The following ARL6IP6 variants were observed in gnomAD, a reference collection of about 807,000 sequenced individuals.
ARL6IP6 encodes ARF like GTPase 6 interacting protein 6, also known as ADP-ribosylation factor-like protein 6-interacting protein 6.
ARL6IP6 carries 22 observed loss-of-function variants against 21.5 expected under a neutral mutation model. The ratio of observed to expected loss-of-function variants is 1.02; its 90% confidence interval spans 0.73 to 1.46. The LOEUF (loss-of-function observed/expected upper bound fraction) is 1.46. Among genes scored for constraint, ARL6IP6 ranks in the 40% most tolerant of loss-of-function variants. The probability of loss-of-function intolerance (pLI) is 0.00; values close to 1 mark genes in which losing one functional copy is unlikely to be tolerated. For synonymous variants in ARL6IP6, 164 were observed against 125.3 expected (o/e 1.31, Z -2.06); for missense variants, 388 against 299.8 (o/e 1.29, Z -2.17).
intron 3 of ARL6IP6, among the ~76,000 whole-genome samples, chr2:152,749,310 CAA>C (rs376016325): frequency 3.5e-4 from 28 of 80,346 alleles, no homozygotes; most frequent in South Asian, 2.2e-3. Flanking sequence ...AACACACACA[CAA>C]AAACACACAC....
chr2:152,735,136 C>G lies in ARL6IP6; in HGVS notation c.587+10C>G. 6.2e-7 allele frequency: 1 copy of G among 1,612,164 alleles called. No individual in the cohort carries two copies. The highest frequency in any genetic ancestry group is 8.5e-7 in the Non-Finnish European group (1 of 1,178,926). Reference sequence around the variant, plus strand: ...CACCTGCCAGGTTCAAGTAAGTATTCCTGTTTCCTGTTTCTTTTTTAAATG... The same window carrying G: ...CACCTGCCAGGTTCAAGTAAGTATTGCTGTTTCCTGTTTCTTTTTTAAATG... On this transcript the variant is annotated intron_variant, in intron 3 of 3. Transcript: ENST00000326446.
rs1344641461 is a variant in ARL6IP6 at position 152,761,682 on chromosome 2, T to C, written c.*1842T>C. ...TTTTCTCTGTTTAGATACACAAATATTTACCATTGTGTTACAGTTGCCTGC... is the reference window on the plus strand; with the variant it reads ...TTTTCTCTGTTTAGATACACAAATACTTACCATTGTGTTACAGTTGCCTGC... On this transcript the variant is annotated 3_prime_UTR_variant, in exon 4 of 4. Transcript: ENST00000326446. Among the ~76,000 whole-genome samples, 1 of 152,210 alleles carries C rather than the reference T, an allele frequency of 6.6e-6. No homozygotes were observed. The highest frequency in any genetic ancestry group is 1.5e-5 in the Non-Finnish European group (1 of 68,042).
At position 152,726,913 on chromosome 2, in the gene ARL6IP6, A is replaced by G. The variant is rs76712586; in HGVS notation, c.454+6327A>G. Reference sequence around the variant, plus strand: ...GTTTTATATAACCTTCCAGTCATAAAAAAAAATACAGCACAATTACGTGCA... The same window carrying G: ...GTTTTATATAACCTTCCAGTCATAAGAAAAAATACAGCACAATTACGTGCA... On this transcript the variant is annotated intron_variant, in intron 2 of 3. Coordinates refer to ENST00000326446, the MANE Select transcript of ARL6IP6 (RefSeq NM_152522.7). 7.4e-4 allele frequency among the ~76,000 whole-genome samples: 113 copies of G among 152,370 alleles called. 1 individual carries two copies. In the East Asian group the frequency reaches 0.02, roughly 26 times the overall value.
In ARL6IP6 at chr2:152,718,792, G is replaced by C. The variant is rs750077541; in HGVS notation, c.168G>C (p.Arg56=). The C allele has an allele frequency of 6.2e-7, 1 of 1,607,472 alleles. No individual in the cohort carries two copies. The highest frequency in any genetic ancestry group is 2.2e-5 in the East Asian group (1 of 44,696). Residue 56 remains arginine, a synonymous_variant, in exon 1 of 4, where the codon CGG becomes CGC. Transcript: ENST00000326446. ...GCGACCAAGTGGCCCGCGACCTGCG[G>C]GCGGAGTTCTCGGCTGGGGCGTGGT... ...EGCDQVARDL[R]AEFSAGAWSE... is the part of the protein sequence containing the mutation.
chr2:152,757,258 T>A (rs1173522182), intron 3 of ARL6IP6, among the ~76,000 whole-genome samples: 2 of 152,138 alleles, frequency 1.3e-5, no homozygotes, highest in African/African-American at 4.8e-5. Flanking sequence ...TTAAAAGGGA[T>A]CTTTTTGCAG....
chr2:152,737,890 C>T (rs533144486), intron 3 of ARL6IP6, among the ~76,000 whole-genome samples: 1 of 152,150 alleles, frequency 6.6e-6, no homozygotes, highest in South Asian at 2.1e-4. Context: ...ACCAATCATG[C>T]CTTCCCAACA....
At chr2:152,753,641 C>T (rs1701439806) in intron 3 of ARL6IP6, among the ~76,000 whole-genome samples, 1 of 151,384 alleles carries the variant, frequency 6.6e-6, no homozygotes, top group East Asian at 1.9e-4. Flanking sequence ...GAAATTGACA[C>T]CTTTACAATG....
intron 2 of ARL6IP6, among the ~76,000 whole-genome samples, chr2:152,730,063 C>G (rs959842572): frequency 6.6e-6 from 1 of 152,140 alleles, no homozygotes; most frequent in Non-Finnish European, 1.5e-5. Context: ...CACAATATTG[C>G]AATGTACTTT....
chr2:152,743,448 T>C (rs948653667), intron 3 of ARL6IP6, among the ~76,000 whole-genome samples: 1 of 152,200 alleles, frequency 6.6e-6, no homozygotes, highest in Non-Finnish European at 1.5e-5. Context: ...ATTGTAGGAA[T>C]GTAAAACAAC....
rs116237761 is a variant in ARL6IP6 at position 152,720,148 on chromosome 2, C to G, written c.401-385C>G. On this transcript the variant is annotated intron_variant, in intron 1 of 3. Coordinates refer to ENST00000326446, the MANE Select transcript of ARL6IP6 (RefSeq NM_152522.7). ...TCCTAGGTGGTTTATTTCTGTTTTG[C>G]TCGGAGACATTGCCTTTGTATCATA... 2,125 of 325,862 alleles carry G rather than the reference C, an allele frequency of 6.5e-3. 52 individuals are homozygous for G. The highest frequency in any genetic ancestry group is 0.042 in the African/African-American group (1,950 of 45,930). 20.2% of individuals were successfully genotyped at this position (325,862 alleles called of 1,614,324 possible). A position where few individuals can be genotyped will look rare whatever the true frequency, so the allele number is the denominator to read the frequency against.
rs112017029 is a variant in ARL6IP6 at position 152,746,965 on chromosome 2, A to G, written c.587+11839A>G. The stretch of plus-strand genomic sequence containing the variant: ...CTCCGCCTCCCAAATTGCTGGGACT[A>G]CAGGCGAGTGCTGCTATGCCTGGCT... On this transcript the variant is annotated intron_variant, in intron 3 of 3. Transcript: ENST00000326446. 5.9e-3 allele frequency among the ~76,000 whole-genome samples: 896 copies of G among 151,030 alleles called. 13 individuals are homozygous for G. Among genetic ancestry groups the G allele is most frequent in the African/African-American group, 0.02 (830 of 41,154 alleles).
intron 2 of ARL6IP6, among the ~76,000 whole-genome samples, chr2:152,730,034 A>G (rs1700233276): frequency 6.6e-6 from 1 of 152,178 alleles, no homozygotes; most frequent in Non-Finnish European, 1.5e-5. Flanking sequence ...AATTTCCCGA[A>G]TCATAAACAC....
chr2:152,756,010 T>G (rs1346889288), intron 3 of ARL6IP6, among the ~76,000 whole-genome samples: 1 of 152,236 alleles, frequency 6.6e-6, no homozygotes, highest in Admixed American at 6.5e-5. Context: ...GATATAAGAT[T>G]TGCAAATATT....
intron 3 of ARL6IP6, among the ~76,000 whole-genome samples, chr2:152,759,367 AC>A (rs1176430908): frequency 6.6e-6 from 1 of 152,198 alleles, no homozygotes; most frequent in African/African-American, 2.4e-5. Flanking sequence ...GTAAGAACAG[AC>A]AGCATGGAAA....
At chr2:152,735,175 G>GA (rs1159462567) in intron 3 of ARL6IP6, 49 bp downstream of exon 3, 2 of 1,593,856 alleles carry the variant, frequency 1.3e-6, no homozygotes, top group Admixed American at 1.7e-5. Flanking sequence ...TTCAACTCTT[G>GA]AAAATACTAA....
intron 3 of ARL6IP6, among the ~76,000 whole-genome samples, chr2:152,739,411 G>T (rs1700705717): frequency 6.6e-6 from 1 of 152,136 alleles, no homozygotes; most frequent in Non-Finnish European, 1.5e-5. Context: ...TAGAGCAGGG[G>T]CAGAATGCTC....
At chr2:152,718,011 C>T, upstream of ARL6IP6, 4 of 993,338 alleles carry the variant, frequency 4.0e-6, no homozygotes, top group Non-Finnish European at 4.8e-6. Context: ...GAGCGCGCGC[C>T]TGGGGAAGGA....
intron 1 of ARL6IP6, among the ~76,000 whole-genome samples, chr2:152,719,541 A>G (rs1255155786): frequency 6.6e-6 from 1 of 152,178 alleles, no homozygotes; most frequent in Non-Finnish European, 1.5e-5. Flanking sequence ...ATCCAGGTGT[A>G]GTGCACGGAG....
chr2:152,750,253 C>T (rs1434461010), intron 3 of ARL6IP6, among the ~76,000 whole-genome samples: 1 of 151,998 alleles, frequency 6.6e-6, no homozygotes, highest in African/African-American at 2.4e-5. Flanking sequence ...CTGGGTGGAT[C>T]ACCTGAGGTT....
Sources: gnomAD v4.1 joint callset for allele counts (sites outside exome capture counted in the v4.1 genomes callset) on GRCh38, gnomAD v4.1.1 for gene constraint, MANE v1.5 for transcripts, NCBI Gene and HGNC (gene_info 2026-07-23, HGNC 2026-07-21) for gene names.